The following HSD17B2 variants were observed in gnomAD, a reference collection of about 807,000 sequenced individuals.
HSD17B2 encodes the protein 17-beta-hydroxysteroid dehydrogenase type 2.
Under a neutral mutation model 26.9 loss-of-function variants are expected in HSD17B2, and 32 were observed. That is an observed-to-expected ratio of 1.19 (90% CI 0.90 to 1.60). The LOEUF is 1.60. Among genes scored for constraint, HSD17B2 ranks in the 40% most tolerant of loss-of-function variants. The pLI is 0.00. For synonymous variants in HSD17B2, 246 were observed against 186.7 expected, an observed-to-expected ratio of 1.32 and a Z score of -2.59; for missense variants, 613 against 468.6, an observed-to-expected ratio of 1.31 and a Z score of -2.85.
intron 1 of HSD17B2, among the ~76,000 whole-genome samples, chr16:82,059,974 A>G (rs1914386896): frequency 6.6e-6 from 1 of 152,174 alleles, no homozygotes; most frequent in Non-Finnish European, 1.5e-5. Flanking sequence ...TCACCCGACA[A>G]CTGTTATCCG....
chr16:82,081,901 A>T (rs1904391460), intron 3 of HSD17B2, among the ~76,000 whole-genome samples: 1 of 152,190 alleles, frequency 6.6e-6, no homozygotes, highest in East Asian at 1.9e-4. Context: ...TGCAGCATGG[A>T]ATACTACACA....
chr16:82,055,153 AACTACTGCT>A (rs1266864313), intron 1 of HSD17B2, among the ~76,000 whole-genome samples: 1 of 152,234 alleles, frequency 6.6e-6, no homozygotes, highest in Non-Finnish European at 1.5e-5. Flanking sequence ...ACTGGCCTTG[AACTACTGCT>A]GTAATTTAGC....
chr16:82,051,915 T>C (rs1176668075), intron 1 of HSD17B2, among the ~76,000 whole-genome samples: 1 of 152,158 alleles, frequency 6.6e-6, no homozygotes, highest in Non-Finnish European at 1.5e-5. Flanking sequence ...TTCCCTGCTC[T>C]CTCCCAGACC....
At chr16:82,056,584 G>A (rs1914277608) in intron 1 of HSD17B2, 1 of 152,216 alleles carries the variant, frequency 6.6e-6, no homozygotes, top group Non-Finnish European at 1.5e-5. Context: ...ACTGGAAGGA[G>A]ATACAAGGGA....
At chr16:82,082,127 AC>A (rs1904398562) in intron 3 of HSD17B2, among the ~76,000 whole-genome samples, 1 of 152,080 alleles carries the variant, frequency 6.6e-6, no homozygotes, top group South Asian at 2.1e-4. Context: ...AACCTCATTA[AC>A]CCATTAAAGT....
intron 1 of HSD17B2, among the ~76,000 whole-genome samples, chr16:82,056,968 T>C (rs940977011): frequency 4.6e-5 from 7 of 152,172 alleles, no homozygotes; most frequent in African/African-American, 1.4e-4. Context: ...TGGGAGCCAA[T>C]TGGAAGCTCT....
At chr16:82,069,909 C>T (rs1914658433) in intron 2 of HSD17B2, among the ~76,000 whole-genome samples, 1 of 152,060 alleles carries the variant, frequency 6.6e-6, no homozygotes, top group African/African-American at 2.4e-5. Flanking sequence ...TCCCCCAGAC[C>T]CAATTAAATC....
chr16:82,071,194 G>T (rs563061154), intron 3 of HSD17B2, 67 bp downstream of exon 3: 22 of 1,491,354 alleles, frequency 1.5e-5, no homozygotes, highest in Non-Finnish European at 2.0e-5. Flanking sequence ...GGCATTCTAT[G>T]TGGGCGAACA....
intron 1 of HSD17B2, among the ~76,000 whole-genome samples, chr16:82,061,880 G>A (rs1914448110): frequency 6.6e-6 from 1 of 152,148 alleles, no homozygotes; most frequent in African/African-American, 2.4e-5. Flanking sequence ...TCTGAATGTA[G>A]CTTCCAAAGG....
intron 3 of HSD17B2, chr16:82,090,176 G>A: frequency 1.0e-6 from 1 of 964,292 alleles, no homozygotes; most frequent in South Asian, 4.8e-5. Context: ...TGCTGTAGTG[G>A]GTTGAATAGT....
intron 4 of HSD17B2, chr16:82,096,228 T>C (rs1904835211): frequency 6.6e-6 from 1 of 152,206 alleles, no homozygotes; most frequent in Non-Finnish European, 1.5e-5. Context: ...TGTATTTATT[T>C]ATTTATTTAT....
intron 1 of HSD17B2, among the ~76,000 whole-genome samples, chr16:82,062,355 G>C (rs533204769): frequency 2.4e-4 from 36 of 152,242 alleles, no homozygotes; most frequent in Non-Finnish European, 4.9e-4. Flanking sequence ...CTGCCCTGTT[G>C]AGCACTTACT....
At chr16:82,088,883 T>C (rs1469802202) in intron 3 of HSD17B2, among the ~76,000 whole-genome samples, 3 of 152,190 alleles carry the variant, frequency 2.0e-5, no homozygotes, top group African/African-American at 2.4e-5. Flanking sequence ...ACACCAAAAA[T>C]GGAAGAGGAA....
At chr16:82,037,406 A>G (rs77760297) in intron 1 of HSD17B2, among the ~76,000 whole-genome samples, 1 of 152,340 alleles carries the variant, frequency 6.6e-6, no homozygotes, top group African/African-American at 2.4e-5. Context: ...AAGAATGAAG[A>G]AGCCACGCTG....
chr16:82,098,451 C>G lies in HSD17B2; in HGVS notation c.*15C>G. The G allele has an allele frequency of 6.4e-7, 1 of 1,571,282 alleles. No homozygotes were observed. The highest frequency in any genetic ancestry group is 8.6e-7 in the Non-Finnish European group (1 of 1,161,646). Reference sequence around the variant, plus strand: ...AGGCCACCTAGGCAATGGAAGCCCTCAAAGAAGTCGGAATGTCATAGTCTT... The same window carrying G: ...AGGCCACCTAGGCAATGGAAGCCCTGAAAGAAGTCGGAATGTCATAGTCTT... On this transcript the variant is annotated 3_prime_UTR_variant, in exon 5 of 5. Transcript: ENST00000199936.
intron 1 of HSD17B2, among the ~76,000 whole-genome samples, chr16:82,056,276 G>T (rs970436423): frequency 6.6e-6 from 1 of 152,122 alleles, no homozygotes; most frequent in Non-Finnish European, 1.5e-5. Context: ...TGTATCTCTG[G>T]TTAGTTTTCT....
chr16:82,085,500 C>G (rs922308701), intron 3 of HSD17B2, among the ~76,000 whole-genome samples: 2 of 152,034 alleles, frequency 1.3e-5, no homozygotes, highest in South Asian at 4.1e-4. Context: ...GAACCGGGAT[C>G]TGTTTTACTC....
At chr16:82,094,312 A>G (rs1180910062) in intron 4 of HSD17B2, 1 of 152,190 alleles carries the variant, frequency 6.6e-6, no homozygotes, top group Non-Finnish European at 1.5e-5. Context: ...GCTTTACTGA[A>G]TCATACCAAC....
At chr16:82,091,123 A>C in intron 4 of HSD17B2, 84 bp downstream of exon 4, 1 of 1,316,924 alleles carries the variant, frequency 7.6e-7, no homozygotes, top group Non-Finnish European at 1.1e-6. Context: ...GCACACATTG[A>C]ACCCCTCATT....
Sources: gnomAD v4.1 joint callset for allele counts (sites outside exome capture counted in the v4.1 genomes callset) on GRCh38, gnomAD v4.1.1 for gene constraint, MANE v1.5 for transcripts, NCBI Gene and HGNC (gene_info 2026-07-23, HGNC 2026-07-21) for gene names.